RAD51B: variants seen among roughly 807,000 people sequenced by gnomAD.
RAD51B encodes the protein RAD51 paralog B, also known as DNA repair protein RAD51 homolog 2.
RAD51B carries 38 observed loss-of-function variants against 42.2 expected under a neutral mutation model. That is an observed-to-expected ratio of 0.90 (90% confidence interval 0.70 to 1.18). The LOEUF (loss-of-function observed/expected upper bound fraction) is 1.18, where lower values mean the gene tolerates loss of function less well. Ranked by LOEUF, RAD51B falls within the 50% of genes most tolerant of loss-of-function variation. The pLI, the probability that RAD51B is intolerant of heterozygous loss-of-function variation, is 0.00. For missense variants in RAD51B, 373 were observed against 400.7 expected, an observed-to-expected ratio of 0.93 and a Z score of 0.59; for synonymous variants, 154 against 145.2, an observed-to-expected ratio of 1.06 and a Z score of -0.43.
chr14:68,028,776 T>C (rs1329188702), intron 7 of RAD51B, among the ~76,000 whole-genome samples: 2 of 152,180 alleles, frequency 1.3e-5, no homozygotes, highest in African/African-American at 4.8e-5. Context: ...GTAGCACAGA[T>C]GTGCCCCCAT....
chr14:68,611,237 A>G (rs1243876372), exon 11 of RAD51B: 1 of 702,966 alleles, frequency 1.4e-6, no homozygotes, highest in Non-Finnish European at 2.6e-6. Flanking sequence ...TTGGATGAGC[A>G]TCCAGTGTAA....
intron 7 of RAD51B, among the ~76,000 whole-genome samples, chr14:67,903,237 T>A (rs1453043781): frequency 1.3e-5 from 2 of 152,174 alleles, no homozygotes; most frequent in Non-Finnish European, 2.9e-5. Context: ...GATCGTTTAT[T>A]TGTACCAGCA....
intron 8 of RAD51B, among the ~76,000 whole-genome samples, chr14:68,342,351 C>T (rs879546936): frequency 1.2e-4 from 19 of 152,314 alleles, no homozygotes; most frequent in South Asian, 8.3e-4. Flanking sequence ...GAAGGATTTT[C>T]CCTAAGTCAC....
chr14:68,105,052 T>C (rs1795573046), intron 7 of RAD51B, among the ~76,000 whole-genome samples: 1 of 152,014 alleles, frequency 6.6e-6, no homozygotes, highest in Non-Finnish European at 1.5e-5. Flanking sequence ...CCAATGGAGA[T>C]TGAAACAGTT....
At chr14:68,011,276 AC>A (rs1201915572) in intron 7 of RAD51B, among the ~76,000 whole-genome samples, 2 of 152,014 alleles carry the variant, frequency 1.3e-5, no homozygotes, top group Non-Finnish European at 2.9e-5. Flanking sequence ...TTTTTTACTT[AC>A]GTAAATTTAT....
intron 8 of RAD51B, among the ~76,000 whole-genome samples, chr14:68,396,408 G>T (rs188229006): frequency 5.3e-4 from 81 of 152,248 alleles, no homozygotes; most frequent in Non-Finnish European, 1.1e-3. Context: ...TTTCATTGCA[G>T]AGTGAACACT....
In RAD51B at chr14:68,611,366, C is replaced by A. The variant is rs1051056541; in HGVS notation, c.*119C>A. 6.2e-6 allele frequency: 4 copies of A among 643,068 alleles called. No homozygotes were observed. The African/African-American group carries it at 7.2e-5, about 12-fold the overall frequency. The allele number at this position is 643,068 out of a possible 1,614,324, so 39.8% of individuals were successfully genotyped here. On this transcript the variant is annotated 3_prime_UTR_variant, in exon 11 of 11. Coordinates refer to the RAD51B transcript ENST00000487861. ...CCTTGTCCCTTTCAGCAAAGGATGT[C>A]ATGGTTTTACAATGTCTCCAGTGAA... is the stretch of plus-strand genomic sequence containing the variant.
rs60491462 is a variant in RAD51B, at chr14:67,830,659, C to T, written c.199-4421C>T. On this transcript the variant is annotated intron_variant, in intron 3 of 10. Coordinates refer to ENST00000471583, the MANE Select transcript of RAD51B (RefSeq NM_133510.4). ...AAGCAATCCACCCACCTCAGCCTCC[C>T]AGTGTGCTGGGATTACAGATGTGAG... is the stretch of plus-strand genomic sequence containing the variant. 9.0e-3 allele frequency among the ~76,000 whole-genome samples: 1,364 copies of T among 152,250 alleles called. 23 individuals carry two copies. The highest frequency in any genetic ancestry group is 0.031 in the African/African-American group (1,273 of 41,546).
chr14:68,506,545 G>A lies in RAD51B; in HGVS notation c.1036+38295G>A, dbSNP rs146422866. ...GCTGTGCGTGCGCGTGCATGTGTGC[G>A]TGCACGCCGGTGCACACGTGGGAAT... On this transcript the variant is annotated intron_variant, in intron 10 of 10. Transcript: ENST00000487270. Among the ~76,000 whole-genome samples the A allele has an allele frequency of 2.4e-3, 372 of 152,340 alleles. 2 individuals carry two copies. Among genetic ancestry groups the A allele is most frequent in the African/African-American group, 8.5e-3 (354 of 41,568 alleles).
intron 7 of RAD51B, among the ~76,000 whole-genome samples, chr14:67,981,697 G>T (rs148728616): frequency 4.6e-5 from 7 of 152,226 alleles, no homozygotes; most frequent in African/African-American, 1.7e-4. Context: ...AGAGAAATAA[G>T]TCAGTCAAAA....
intron 7 of RAD51B, among the ~76,000 whole-genome samples, chr14:67,928,016 G>A (rs141646881): frequency 4.5e-3 from 680 of 152,096 alleles, no homozygotes; most frequent in African/African-American, 0.015. Context: ...TGGCCTCATA[G>A]AATGAGTTAG....
intron 7 of RAD51B, among the ~76,000 whole-genome samples, chr14:68,134,980 G>A (rs552266257): frequency 6.6e-6 from 1 of 152,268 alleles, no homozygotes; most frequent in South Asian, 2.1e-4. Flanking sequence ...AAGGAATGAA[G>A]TATACATTTT....
chr14:68,545,635 G>A, intron 10 of RAD51B: 1 of 456,080 alleles, frequency 2.2e-6, no homozygotes, highest in Non-Finnish European at 4.4e-6. Context: ...GTAAGAACGG[G>A]GACAGGGCAT....
At chr14:68,503,022 G>T (rs1301936310) in intron 10 of RAD51B, among the ~76,000 whole-genome samples, 1 of 152,218 alleles carries the variant, frequency 6.6e-6, no homozygotes, top group Non-Finnish European at 1.5e-5. Context: ...AGCCTACCCT[G>T]CCTGGCCTCA....
chr14:67,886,248 A>G (rs901688105), intron 6 of RAD51B, among the ~76,000 whole-genome samples: 2 of 152,242 alleles, frequency 1.3e-5, no homozygotes, highest in African/African-American at 4.8e-5. Flanking sequence ...ATTGTCTCAC[A>G]GTTTAGTAGC....
chr14:68,241,242 T>A (rs2080377088), intron 7 of RAD51B, among the ~76,000 whole-genome samples: 1 of 152,244 alleles, frequency 6.6e-6, no homozygotes, highest in East Asian at 1.9e-4. Flanking sequence ...AAACCTGTTC[T>A]CTTTTTAAAT....
intron 7 of RAD51B, among the ~76,000 whole-genome samples, chr14:68,249,281 G>T (rs902444811): frequency 1.3e-5 from 2 of 152,162 alleles, no homozygotes; most frequent in African/African-American, 4.8e-5. Flanking sequence ...ATGAACTTGG[G>T]CTGCGGAAAT....
At chr14:68,605,201 C>T (rs900975755) in intron 10 of RAD51B, among the ~76,000 whole-genome samples, 18 of 152,288 alleles carry the variant, frequency 1.2e-4, no homozygotes, top group African/African-American at 2.6e-4. Flanking sequence ...CACAGCAGGG[C>T]GGGTTCCTTC....
intron 7 of RAD51B, among the ~76,000 whole-genome samples, chr14:68,279,644 G>A (rs368631990): frequency 3.0e-4 from 45 of 152,206 alleles, no homozygotes; most frequent in East Asian, 7.7e-4. Context: ...TACTTCATGC[G>A]CTGGTTCCCA....
Sources: allele counts gnomAD v4.1 joint callset (sites outside exome capture counted in the v4.1 genomes callset), GRCh38; gene constraint gnomAD v4.1.1; transcripts MANE v1.5; gene names NCBI Gene and HGNC (gene_info 2026-07-23, HGNC 2026-07-21).